CASTOR2: variants seen among roughly 807,000 people sequenced by gnomAD.
CASTOR2 encodes the protein cytosolic arginine sensor for mTORC1 subunit 2.
Under a neutral mutation model 31.2 loss-of-function variants are expected in CASTOR2, and 8 were observed. That is an observed-to-expected ratio of 0.26 (90% CI 0.15 to 0.46). CASTOR2 has a LOEUF of 0.46. Among genes scored for constraint, CASTOR2 ranks in the 20% least tolerant of loss-of-function variants. The pLI, the probability that CASTOR2 is intolerant of heterozygous loss-of-function variation, is 0.99. For synonymous variants in CASTOR2, 162 were observed against 158.7 expected (o/e 1.02, Z -0.16); for missense variants, 216 against 382.1 (o/e 0.57, Z 3.62).
At position 74,993,197 on chromosome 7, in the gene CASTOR2, C is replaced by G. The variant is rs1411296073; in HGVS notation, c.114-14797C>G. ...CTGGCAACAGAGCAAGACTCCATCTCAAAAAGAGAAAAAGAAAAAGGAAGG... is the reference window on the plus strand; with the variant it reads ...CTGGCAACAGAGCAAGACTCCATCTGAAAAAGAGAAAAAGAAAAAGGAAGG... On this transcript the variant is annotated intron_variant, in intron 1 of 8. Transcript: ENST00000616305. 7.2e-5 allele frequency among the ~76,000 whole-genome samples: 11 copies of G among 152,040 alleles called. No homozygotes were observed. The East Asian group carries it at 2.1e-3, about 29-fold the overall frequency.
chr7:74,988,392 G>A (rs1804123702), intron 1 of CASTOR2, among the ~76,000 whole-genome samples: 2 of 152,060 alleles, frequency 1.3e-5, no homozygotes, highest in South Asian at 4.1e-4. Context: ...CCGCCTCCCG[G>A]GTTCACGCCA....
At chr7:74,987,519 C>T (rs1804097502) in intron 1 of CASTOR2, among the ~76,000 whole-genome samples, 1 of 152,100 alleles carries the variant, frequency 6.6e-6, no homozygotes, top group Non-Finnish European at 1.5e-5. Flanking sequence ...GCAGTCTGGG[C>T]CTTTCTCCCG....
chr7:74,983,308 G>A (rs1266692839), intron 1 of CASTOR2, among the ~76,000 whole-genome samples: 3 of 150,912 alleles, frequency 2.0e-5, no homozygotes, highest in Non-Finnish European at 2.9e-5. Context: ...CACTATGCCC[G>A]GCCACATTTC....
chr7:75,023,599 C>G (rs1483543028), intron 7 of CASTOR2, among the ~76,000 whole-genome samples: 3 of 151,728 alleles, frequency 2.0e-5, no homozygotes, highest in Non-Finnish European at 4.4e-5. Context: ...GCCACCACGC[C>G]CGGCTAATTC....
chr7:75,020,834 T>C (rs1804981915), intron 6 of CASTOR2, among the ~76,000 whole-genome samples: 1 of 151,982 alleles, frequency 6.6e-6, no homozygotes, highest in Admixed American at 6.6e-5. Context: ...TCTCTCTCTG[T>C]CACCCATGCT....
In CASTOR2 at chr7:75,029,679, C is replaced by T. The variant is rs1379247676; in HGVS notation, c.*4980C>T. On this transcript the variant is annotated 3_prime_UTR_variant, in exon 9 of 9. Coordinates refer to ENST00000616305, the MANE Select transcript of CASTOR2 (RefSeq NM_001145064.3). ...TTGACGCCACTTCCTGAGTGAAGCG[C>T]TTTGCATGGGGATGGGAAGAAGCAC... Among the ~76,000 whole-genome samples, 5 of 152,134 alleles carry T rather than the reference C, an allele frequency of 3.3e-5. No homozygotes were observed. The highest frequency in any genetic ancestry group is 1.2e-4 in the African/African-American group (5 of 41,430).
At position 75,029,092 on chromosome 7, in the gene CASTOR2, G is replaced by A. The variant is rs1366305115; in HGVS notation, c.*4393G>A. On this transcript the variant is annotated 3_prime_UTR_variant, in exon 9 of 9. Transcript: ENST00000616305. ...GTGACAGAGGATGCCCTGGAGGTCA[G>A]GAGAGAAGACTGGGAAGACAGGAAG... Among the ~76,000 whole-genome samples, 1 of 152,364 alleles carries A rather than the reference G, an allele frequency of 6.6e-6. No homozygotes were observed.
At chr7:74,981,576 G>C (rs1346926859) in intron 1 of CASTOR2, among the ~76,000 whole-genome samples, 1 of 145,622 alleles carries the variant, frequency 6.9e-6, no homozygotes, top group Non-Finnish European at 1.5e-5. Flanking sequence ...CTCCTTGGCA[G>C]GGCAGCTTCA....
intron 1 of CASTOR2, among the ~76,000 whole-genome samples, chr7:74,998,718 A>T (rs1361731908): frequency 6.6e-6 from 1 of 151,326 alleles, no homozygotes; most frequent in Admixed American, 6.6e-5. Flanking sequence ...TGGGCTGGGG[A>T]CCATGAGAAT....
chr7:74,990,948 G>A (rs1290436823), intron 1 of CASTOR2, among the ~76,000 whole-genome samples: 7 of 151,722 alleles, frequency 4.6e-5, no homozygotes, highest in African/African-American at 7.3e-5. Flanking sequence ...TGGGTGTGGC[G>A]GCATGCACCT....
chr7:74,988,644 T>C (rs1804130656), intron 1 of CASTOR2, among the ~76,000 whole-genome samples: 1 of 152,024 alleles, frequency 6.6e-6, no homozygotes, highest in African/African-American at 2.4e-5. Flanking sequence ...ATTTGATGAC[T>C]CAGAATTTTT....
intron 6 of CASTOR2, among the ~76,000 whole-genome samples, chr7:75,021,239 A>C (rs1018426262): frequency 6.6e-6 from 1 of 151,374 alleles, no homozygotes; most frequent in Non-Finnish European, 1.5e-5. Context: ...TGATTCACCC[A>C]CTTTGGCCTC....
chr7:74,991,761 A>G (rs1804216415), intron 1 of CASTOR2, among the ~76,000 whole-genome samples: 1 of 151,978 alleles, frequency 6.6e-6, no homozygotes. Context: ...GGGGGAGGAT[A>G]TGGCACACTA....
At chr7:74,989,642 C>G (rs1292253100) in intron 1 of CASTOR2, among the ~76,000 whole-genome samples, 2 of 151,442 alleles carry the variant, frequency 1.3e-5, no homozygotes, top group Admixed American at 6.6e-5. Context: ...TCTTGAACTC[C>G]CGACTTCAAG....
In CASTOR2 at chr7:75,026,490, G is replaced by A. The variant is rs1169048397; in HGVS notation, c.*1791G>A. Among the ~76,000 whole-genome samples, 1 of 152,050 alleles carries A rather than the reference G, an allele frequency of 6.6e-6. No homozygotes were observed. The highest frequency in any genetic ancestry group is 2.4e-5 in the African/African-American group (1 of 41,416). On this transcript the variant is annotated 3_prime_UTR_variant, in exon 9 of 9. Coordinates refer to ENST00000616305, the MANE Select transcript of CASTOR2 (RefSeq NM_001145064.3). ...CAGGCGTGAGCCACCACACCCAGCC[G>A]AGTTGTGCTGTTTCTGTGGTCAGAG...
At chr7:74,973,998 G>GCCTT (rs1554435355) in intron 1 of CASTOR2, among the ~76,000 whole-genome samples, 1 of 48,870 alleles carries the variant, frequency 2.0e-5, no homozygotes, top group Non-Finnish European at 3.8e-5. Flanking sequence ...GAGCCCCAGA[G>GCCTT]CCTTGCGTGT....
chr7:75,007,831 G>C lies in CASTOR2; in HGVS notation c.114-163G>C. The C allele has an allele frequency of 1.1e-5, 9 of 824,976 alleles. No individual in the cohort carries two copies. In the South Asian group the frequency reaches 1.4e-4, roughly 13 times the overall value. 51.1% of individuals were successfully genotyped at this position (824,976 alleles called of 1,614,324 possible). ...CTCTCCTGAGTGAGAACTGAGTAGG[G>C]GGACATGAAGGGAGAGATAAACAAC... On this transcript the variant is annotated intron_variant, in intron 1 of 8. Coordinates refer to ENST00000616305, the MANE Select transcript of CASTOR2 (RefSeq NM_001145064.3).
intron 2 of CASTOR2, among the ~76,000 whole-genome samples, chr7:75,015,763 G>T (rs1427411744): frequency 6.6e-6 from 1 of 152,072 alleles, no homozygotes; most frequent in African/African-American, 2.4e-5. Flanking sequence ...TGAGTGTACG[G>T]TGAGCAAAAT....
At chr7:75,020,530 G>T (rs1317368237) in intron 6 of CASTOR2, among the ~76,000 whole-genome samples, 1 of 147,442 alleles carries the variant, frequency 6.8e-6, no homozygotes, top group Non-Finnish European at 1.5e-5. Context: ...TCGCTCTGTC[G>T]CCCAGGCTGG....
Sources: gnomAD v4.1 joint callset for allele counts (sites outside exome capture counted in the v4.1 genomes callset) on GRCh38, gnomAD v4.1.1 for gene constraint, MANE v1.5 for transcripts, NCBI Gene and HGNC (gene_info 2026-07-23, HGNC 2026-07-21) for gene names.